Variants in BOK observed in about 807,000 individuals in gnomAD.
BOK encodes the protein bcl-2-related ovarian killer protein.
A neutral mutation model predicts 18.3 loss-of-function variants in BOK; 20 were observed. The observed-to-expected ratio is 1.09, with a 90% CI of 0.77 to 1.59. The LOEUF is 1.59. BOK is among the 40% of genes most tolerant of loss of function. The pLI, the probability that BOK is intolerant of heterozygous loss-of-function variation, is 0.00. For synonymous variants in BOK, 173 were observed against 142.4 expected, an observed-to-expected ratio of 1.21 and a Z score of -1.53; for missense variants, 348 against 307.9, an observed-to-expected ratio of 1.13 and a Z score of -0.97.
upstream of BOK, among the ~76,000 whole-genome samples, chr2:241,555,794 C>T (rs1391387596): frequency 3.3e-5 from 5 of 152,166 alleles, no homozygotes; most frequent in Admixed American, 1.3e-4. Flanking sequence ...TCAATTATGC[C>T]CAGTGGCCCA....
At chr2:241,558,179 A>G (rs749771421), upstream of BOK, among the ~76,000 whole-genome samples, 150 of 151,354 alleles carry the variant, frequency 9.9e-4, no homozygotes, top group Non-Finnish European at 1.9e-3. Context: ...GGATATCTAC[A>G]CGAAAAAAAA....
Position 241,566,215 on chromosome 2 carries a change from C to T in BOK, c.349+3739C>T, listed in dbSNP as rs911181481. ...AGGAGAATCGCTTGAACCCGGGAGG[C>T]GCAGGTTGCGGTGAGCCGAGATTGT... is the stretch of plus-strand genomic sequence containing the variant. On this transcript the variant is annotated intron_variant, in intron 3 of 4. Transcript: ENST00000318407. Among the ~76,000 whole-genome samples, 8 of 152,066 alleles carry T rather than the reference C, an allele frequency of 5.3e-5. 1 individual carries two copies. The East Asian group carries it at 9.7e-4, about 18-fold the overall frequency.
chr2:241,557,988 C>G (rs1361263697), upstream of BOK, among the ~76,000 whole-genome samples: 2 of 149,482 alleles, frequency 1.3e-5, no homozygotes, highest in Non-Finnish European at 3.0e-5. Context: ...TTGGTTAATC[C>G]TATTGTTCAA....
chr2:241,552,505 A>G (rs893306098), intron 1 of BOK, among the ~76,000 whole-genome samples: 4 of 152,154 alleles, frequency 2.6e-5, no homozygotes, highest in Admixed American at 6.5e-5. Flanking sequence ...CTGGGCTCAG[A>G]ACAGACCCTC....
At chr2:241,571,284 C>A (rs926578068) in intron 4 of BOK, among the ~76,000 whole-genome samples, 8 of 147,808 alleles carry the variant, frequency 5.4e-5, no homozygotes, top group African/African-American at 1.9e-4. Context: ...CTCCACGCCC[C>A]CAACTTCCTG....
At chr2:241,571,079 A>T (rs1399457379) in intron 4 of BOK, among the ~76,000 whole-genome samples, 1 of 128,984 alleles carries the variant, frequency 7.8e-6, no homozygotes, top group East Asian at 2.2e-4. Context: ...CTCCTGGGGG[A>T]GATGGGTGAG....
At position 241,568,986 on chromosome 2, in the gene BOK, G is replaced by A. The variant is rs566083357; in HGVS notation, c.350-1139G>A. Among the ~76,000 whole-genome samples, 6 of 151,424 alleles carry A rather than the reference G, an allele frequency of 4.0e-5. No homozygotes were observed. In the South Asian group the frequency reaches 6.2e-4, roughly 16 times the overall value. On this transcript the variant is annotated intron_variant, in intron 3 of 4. Transcript: ENST00000318407. ...CCACTGCTGACTCCCTCCGGGGACC[G>A]CTGCTAACTCCCTGCGGGGATCACT...
At chr2:241,556,395 C>T (rs1196915055), upstream of BOK, among the ~76,000 whole-genome samples, 3 of 152,106 alleles carry the variant, frequency 2.0e-5, no homozygotes, top group African/African-American at 7.2e-5. Flanking sequence ...CCATCCTGGC[C>T]AACATGGTGA....
chr2:241,557,536 T>C (rs1010759843), upstream of BOK, among the ~76,000 whole-genome samples: 3 of 152,100 alleles, frequency 2.0e-5, no homozygotes, highest in African/African-American at 4.8e-5. Flanking sequence ...GGTCTCAAAC[T>C]CCTGAGCTCA....
chr2:241,571,921 C>T (rs908466803), intron 4 of BOK, among the ~76,000 whole-genome samples: 11 of 152,324 alleles, frequency 7.2e-5, no homozygotes, highest in Admixed American at 3.9e-4. Context: ...GGCGGCATAC[C>T]TGTAGCCCCT....
Position 241,572,534 on chromosome 2 carries a change from T to G in BOK, c.*112T>G. 2 of 1,452,554 alleles carry G rather than the reference T, an allele frequency of 1.4e-6. No homozygotes were observed. Among genetic ancestry groups the G allele is most frequent in the Non-Finnish European group, 1.8e-6 (2 of 1,089,714 alleles). The allele number at this position is 1,452,554 out of a possible 1,614,324, so 90.0% of individuals were successfully genotyped here. The stretch of plus-strand genomic sequence containing the variant: ...ACCCGAGCCTGGAGCACTCTAACCC[T>G]CGGAGACCCCCTAAGCCCCGTTCCT... On this transcript the variant is annotated 3_prime_UTR_variant, in exon 5 of 5. Transcript: ENST00000318407.
intron 2 of BOK, chr2:241,560,406 G>A (rs2066508973): frequency 4.9e-6 from 3 of 617,690 alleles, no homozygotes; most frequent in Non-Finnish European, 6.1e-6. Flanking sequence ...CCCGGGAAGG[G>A]GAGGTGACAG....
At chr2:241,552,331 G>A (rs1054729688) in intron 1 of BOK, among the ~76,000 whole-genome samples, 6 of 150,662 alleles carry the variant, frequency 4.0e-5, no homozygotes, top group East Asian at 1.9e-4. Flanking sequence ...TCTTGCACCC[G>A]CAGCACGCCC....
intron 2 of BOK, chr2:241,560,319 C>T (rs1414552582): frequency 1.0e-6 from 1 of 973,602 alleles, no homozygotes. Context: ...GTCCCCTCAC[C>T]ACAGCTGGGC....
intron 3 of BOK, among the ~76,000 whole-genome samples, chr2:241,564,594 C>T (rs897627090): frequency 2.0e-5 from 3 of 152,004 alleles, no homozygotes; most frequent in Non-Finnish European, 2.9e-5. Flanking sequence ...GCAGGGTTCA[C>T]GGCACAGTGG....
chr2:241,572,613 T>C lies in BOK; in HGVS notation c.*191T>C. On this transcript the variant is annotated 3_prime_UTR_variant, in exon 5 of 5. Transcript: ENST00000318407. ...GAGTGGGGAGGGGCTTTCCTGAGCC[T>C]GGAGCTGGGCTTTGGGGCAGCCTGC... The C allele has an allele frequency of 2.4e-6, 2 of 840,958 alleles. No homozygotes were observed. Among genetic ancestry groups the C allele is most frequent in the Non-Finnish European group, 1.8e-6 (1 of 556,534 alleles). 52.1% of individuals were successfully genotyped at this position (840,958 alleles called of 1,614,324 possible).
chr2:241,558,543 C>T (rs1187830651), upstream of BOK, among the ~76,000 whole-genome samples: 1 of 152,248 alleles, frequency 6.6e-6, no homozygotes, highest in Non-Finnish European at 1.5e-5. Context: ...TCAAATGGAC[C>T]CCGGGGAACA....
chr2:241,563,225 C>CTT (rs1370979545), intron 3 of BOK, among the ~76,000 whole-genome samples: 3 of 152,208 alleles, frequency 2.0e-5, no homozygotes, highest in African/African-American at 7.2e-5. Flanking sequence ...GTCTCCCCTA[C>CTT]TCGGTGCCCG....
At chr2:241,560,097 C>T (rs1422259033) in intron 2 of BOK, 5 of 985,352 alleles carry the variant, frequency 5.1e-6, no homozygotes, top group Admixed American at 1.2e-4. Flanking sequence ...GCCGAGATCC[C>T]GCCCGCTGCC....
Sources: allele counts gnomAD v4.1 joint callset (sites outside exome capture counted in the v4.1 genomes callset), GRCh38; gene constraint gnomAD v4.1.1; transcripts MANE v1.5; gene names NCBI Gene and HGNC (gene_info 2026-07-23, HGNC 2026-07-21).